The following HECW1 variants were observed in gnomAD, a reference collection of about 807,000 sequenced individuals.
The protein encoded by HECW1 is HECT, C2 and WW domain containing E3 ubiquitin protein ligase 1, also known as E3 ubiquitin-protein ligase HECW1.
In HECW1, 61 loss-of-function variants were observed where a neutral mutation model predicts 182.3. The ratio of observed to expected loss-of-function variants is 0.33; its 90% CI spans 0.27 to 0.41. The LOEUF (loss-of-function observed/expected upper bound fraction) is 0.41. Ranked by LOEUF, HECW1 falls within the 10% of genes least tolerant of loss-of-function variation. The pLI is 1.00. For synonymous variants in HECW1, 859 were observed against 832.6 expected, an observed-to-expected ratio of 1.03 and a Z score of -0.55; for missense variants, 1,739 against 2,108.9, an observed-to-expected ratio of 0.82 and a Z score of 3.44.
chr7:43,546,369 A>C (rs1035557630), intron 26 of HECW1, among the ~76,000 whole-genome samples: 2 of 151,820 alleles, frequency 1.3e-5, no homozygotes, highest in African/African-American at 4.8e-5. Context: ...GATGACTTTC[A>C]TGGCTTATTC....
chr7:43,287,425 G>A (rs1455072252), intron 3 of HECW1, among the ~76,000 whole-genome samples: 1 of 152,076 alleles, frequency 6.6e-6, no homozygotes, highest in Non-Finnish European at 1.5e-5. Flanking sequence ...CTGGACCCAA[G>A]GGAAAAGGAG....
At chr7:43,308,627 A>ATT (rs59607666) in intron 3 of HECW1, among the ~76,000 whole-genome samples, 34 of 142,188 alleles carry the variant, frequency 2.4e-4, no homozygotes, top group African/African-American at 7.5e-4. Flanking sequence ...CCTTTCTGTA[A>ATT]TTTTTTTTTT....
At chr7:43,219,228 G>A (rs1562691298) in intron 2 of HECW1, among the ~76,000 whole-genome samples, 1 of 152,134 alleles carries the variant, frequency 6.6e-6, no homozygotes, top group Non-Finnish European at 1.5e-5. Context: ...GCCATGTTGG[G>A]TGGACCCAGT....
At chr7:43,510,237 AGTGCTATGACCT>A (rs754732074) in intron 24 of HECW1, 8 of 152,204 alleles carry the variant, frequency 5.3e-5, no homozygotes, top group African/African-American at 1.2e-4. Context: ...GATGGTAGAG[AGTGCTATGACCT>A]GTAACACAGG....
intron 2 of HECW1, among the ~76,000 whole-genome samples, chr7:43,225,065 A>G (rs922354095): frequency 1.3e-5 from 2 of 152,160 alleles, no homozygotes; most frequent in East Asian, 3.9e-4. Context: ...TCCTGTAGCA[A>G]AGGTGTGGGG....
intron 2 of HECW1, among the ~76,000 whole-genome samples, chr7:43,125,990 A>G (rs1282429343): frequency 6.6e-6 from 1 of 150,502 alleles, no homozygotes; most frequent in Non-Finnish European, 1.5e-5. Flanking sequence ...TTAACATGCC[A>G]TGGGAAATGG....
chr7:43,373,335 A>G (rs2074193100), intron 6 of HECW1, among the ~76,000 whole-genome samples: 1 of 144,438 alleles, frequency 6.9e-6, no homozygotes, highest in Non-Finnish European at 1.5e-5. Context: ...TGAATTTTGT[A>G]TTTTAGTCGA....
At chr7:43,388,300 A>G (rs554030549) in intron 6 of HECW1, among the ~76,000 whole-genome samples, 2 of 152,382 alleles carry the variant, frequency 1.3e-5, no homozygotes, top group Admixed American at 6.5e-5. Context: ...ATGCAATACA[A>G]TAATGGCCAA....
chr7:43,256,977 C>CA, intron 3 of HECW1, among the ~76,000 whole-genome samples: 1 of 152,128 alleles, frequency 6.6e-6, no homozygotes, highest in South Asian at 2.1e-4. Context: ...AATCAGGAAA[C>CA]AAAAAAGAAA....
intron 2 of HECW1, among the ~76,000 whole-genome samples, chr7:43,195,473 CG>C (rs1346857744): frequency 6.6e-6 from 1 of 152,100 alleles, no homozygotes. Flanking sequence ...GTAACTTGAA[CG>C]ACCAGTAGCC....
intron 14 of HECW1, 121 bp downstream of exon 14, chr7:43,463,920 TC>T: frequency 8.7e-7 from 1 of 1,152,610 alleles, no homozygotes. Context: ...AGAGTGGAAG[TC>T]CAGGGTGGAG....
chr7:43,501,026 G>C (rs1484244853), intron 20 of HECW1, among the ~76,000 whole-genome samples, 187 bp from the exon 21 acceptor site: 1 of 152,108 alleles, frequency 6.6e-6, no homozygotes, highest in African/African-American at 2.4e-5. Flanking sequence ...ATTAATCAAG[G>C]TTTAAAACAA....
chr7:43,463,270 GTTTGTACAC>G (rs1172436127), intron 13 of HECW1, among the ~76,000 whole-genome samples: 1 of 152,202 alleles, frequency 6.6e-6, no homozygotes, highest in African/African-American at 2.4e-5. Context: ...TGCTAGCCCA[GTTTGTACAC>G]TTATTACAAT....
At chr7:43,558,854 G>A (rs866987498) in intron 29 of HECW1, among the ~76,000 whole-genome samples, 2 of 152,034 alleles carry the variant, frequency 1.3e-5, no homozygotes, top group South Asian at 2.1e-4. Context: ...CAGGTGGAGC[G>A]GTATGGGCTT....
chr7:43,296,655 T>A (rs1806091172), intron 3 of HECW1, among the ~76,000 whole-genome samples: 1 of 152,212 alleles, frequency 6.6e-6, no homozygotes, highest in African/African-American at 2.4e-5. Context: ...CTCCTTTGCA[T>A]CATTCTGGAT....
chr7:43,197,941 G>A (rs1028544040), intron 2 of HECW1, among the ~76,000 whole-genome samples: 2 of 151,948 alleles, frequency 1.3e-5, no homozygotes, highest in African/African-American at 4.8e-5. Flanking sequence ...AGCTGTGGCT[G>A]CCCCGTTCAG....
chr7:43,409,288 C>T (rs1329499506), intron 8 of HECW1, among the ~76,000 whole-genome samples: 2 of 152,134 alleles, frequency 1.3e-5, no homozygotes, highest in East Asian at 3.8e-4. Flanking sequence ...AATAATGAAT[C>T]TTAATTTGTT....
intron 6 of HECW1, among the ~76,000 whole-genome samples, chr7:43,367,909 C>T (rs912452815): frequency 7.9e-5 from 12 of 152,296 alleles, no homozygotes; most frequent in Admixed American, 5.2e-4. Flanking sequence ...AGCCTCTTGC[C>T]TCTAATCTTC....
Position 43,305,839 on chromosome 7 carries a change from C to T in HECW1, c.28-5924C>T, listed in dbSNP as rs193011320. ...TCAATGGCACGATCTCGGCTCACTG[C>T]AACCTCTGCCTCCTGGGTTCAAGTG... On this transcript the variant is annotated intron_variant, in intron 3 of 29. Transcript: ENST00000395891. Among the ~76,000 whole-genome samples, 25 of 152,224 alleles carry T rather than the reference C, an allele frequency of 1.6e-4. No individual in the cohort carries two copies. The East Asian group carries it at 3.3e-3, about 20-fold the overall frequency.
Sources: allele counts gnomAD v4.1 joint callset (sites outside exome capture counted in the v4.1 genomes callset), GRCh38; gene constraint gnomAD v4.1.1; transcripts MANE v1.5; gene names NCBI Gene and HGNC (gene_info 2026-07-23, HGNC 2026-07-21).